The following SOCS4 variants were observed in gnomAD, a reference collection of about 807,000 sequenced individuals.
SOCS4 encodes SH2 domain containing SOCS box protein.
Under a neutral mutation model 34.1 loss-of-function variants are expected in SOCS4, and 20 were observed. The observed-to-expected ratio is 0.59, with a 90% CI of 0.41 to 0.85. The LOEUF is 0.85. SOCS4 is among the 40% of genes least tolerant of loss of function. The pLI, the probability that SOCS4 is intolerant of heterozygous loss-of-function variation, is 0.00. For synonymous variants in SOCS4, 180 were observed against 186.4 expected (o/e 0.97, Z 0.28); for missense variants, 479 against 532.4 (o/e 0.90, Z 0.99).
chr14:55,034,988 G>A (rs1471716960), intron 2 of SOCS4, among the ~76,000 whole-genome samples: 1 of 151,708 alleles, frequency 6.6e-6, no homozygotes, highest in Admixed American at 6.6e-5. Context: ...AGCCTCCCAA[G>A]TAGCTGGGAC....
At chr14:55,037,331 GAC>G (rs1358177259) in intron 2 of SOCS4, among the ~76,000 whole-genome samples, 3 of 151,846 alleles carry the variant, frequency 2.0e-5, no homozygotes, top group African/African-American at 7.2e-5. Flanking sequence ...TTTTAGTAGA[GAC>G]AGGGTTTCAC....
rs2042668508 is a variant in SOCS4 at position 55,045,612 on chromosome 14, A to G, written c.*1248A>G. On this transcript the variant is annotated 3_prime_UTR_variant, in exon 3 of 3. Coordinates refer to ENST00000555846, the MANE Select transcript of SOCS4 (RefSeq NM_199421.2). The stretch of plus-strand genomic sequence containing the variant: ...ATTTTAAATTTACTATCCCAGAAAC[A>G]GGGCAACGTTTTTAGAAACATCTTT... 6.0e-6 allele frequency: 1 copy of G among 166,810 alleles called. No individual in the cohort carries two copies. The highest frequency in any genetic ancestry group is 1.5e-5 in the Non-Finnish European group (1 of 67,970). The allele number at this position is 166,810 out of a possible 1,614,324, so 10.3% of individuals were successfully genotyped here.
In SOCS4 at chr14:55,043,642, G is replaced by A. The variant is rs149353762; in HGVS notation, c.601G>A (p.Asp201Asn). The A allele has an allele frequency of 1.2e-4, 188 of 1,614,090 alleles. No homozygotes were observed. Among genetic ancestry groups the A allele is most frequent in the East Asian group, 1.1e-3 (50 of 44,882 alleles). ...TNVQPCVITTDNALCREGPMT... is the reference protein window; with the variant it reads ...TNVQPCVITTNNALCREGPMT... ...TGTTCAGCCCTGTGTCATAACCACC[G>A]ACAATGCTTTGTGTAGAGAAGGTCC... Residue 201 changes from aspartate to asparagine, a missense_variant, in exon 3 of 3, where the codon GAC becomes AAC. By Grantham distance (23) the Asp-to-Asn change is conservative. Transcript: ENST00000555846.
chr14:55,036,917 C>T, intron 2 of SOCS4, among the ~76,000 whole-genome samples: 1 of 151,782 alleles, frequency 6.6e-6, no homozygotes, highest in East Asian at 2.0e-4. Flanking sequence ...GAGTTCAAGA[C>T]CAGCCTAGAT....
At chr14:55,041,783 CTTTT>C (rs35998700) in intron 2 of SOCS4, among the ~76,000 whole-genome samples, 108 of 40,066 alleles carry the variant, frequency 2.7e-3, no homozygotes, top group Non-Finnish European at 3.9e-3. Context: ...AACCCTTAAT[CTTTT>C]TTTTTTTTTT....
intron 1 of SOCS4, among the ~76,000 whole-genome samples, chr14:55,031,381 A>G (rs2042527638): frequency 6.6e-6 from 1 of 152,194 alleles, no homozygotes; most frequent in South Asian, 2.1e-4. Flanking sequence ...CCACAAAAGG[A>G]TTTATGGCAA....
Position 55,043,600 on chromosome 14 carries a change from T to G in SOCS4, c.559T>G (p.Cys187Gly), listed in dbSNP as rs749669156. The G allele has an allele frequency of 6.2e-7, 1 of 1,614,180 alleles. No homozygotes were observed. Residue 187 changes from cysteine (C) to glycine (G), a missense_variant, in exon 3 of 3, where the codon TGT becomes GGT. Coordinates refer to ENST00000555846, the MANE Select transcript of SOCS4 (RefSeq NM_199421.2). ...KRRNMEENIN[C>G]FSHTNVQPCV... is the part of the protein sequence containing the mutation. ...AAGAAATATGGAAGAAAATATAAAC[T>G]GTTTCTCACATACCAATGTTCAGCC... is the stretch of plus-strand genomic sequence containing the variant.
intron 2 of SOCS4, among the ~76,000 whole-genome samples, chr14:55,032,813 C>T (rs1156299032): frequency 1.3e-5 from 2 of 151,398 alleles, no homozygotes; most frequent in South Asian, 2.1e-4. Context: ...TCTTTTGAGA[C>T]GGAGTCTCAC....
chr14:55,032,765 A>ATTG (rs1367129873), intron 2 of SOCS4, among the ~76,000 whole-genome samples: 7 of 109,536 alleles, frequency 6.4e-5, no homozygotes, highest in African/African-American at 3.5e-4. Context: ...AAGCCACCTT[A>ATTG]TTATTATTCT....
chr14:55,044,469 A>G lies in SOCS4; in HGVS notation c.*105A>G, dbSNP rs2042656016. 7.0e-6 allele frequency: 6 copies of G among 851,340 alleles called. No individual in the cohort carries two copies. The East Asian group carries it at 2.1e-4, about 29-fold the overall frequency. 52.7% of individuals were successfully genotyped at this position (851,340 alleles called of 1,614,324 possible). A position where few individuals can be genotyped will look rare whatever the true frequency, so the allele number is the denominator to read the frequency against. On this transcript the variant is annotated 3_prime_UTR_variant, in exon 3 of 3. Transcript: ENST00000555846. ...TTTTCTACAAAGGCAGTGGTGTCCA[A>G]AATAAAATCTCTGCCCTAAATTTTA...
In SOCS4 at chr14:55,043,127, G is replaced by T. The variant is rs1399362053; in HGVS notation, c.86G>T (p.Gly29Val). ...AGCAGAAGTGCCGACAGAAAAGACG[G>T]TTATGTGTGGAGTGGAAAGAAGTTA... The part of the protein sequence containing the change: ...SRSRSADRKD[G>V]YVWSGKKLSW... The change falls in exon 3 of 3, where the codon GGT becomes GTT. Residue 29 changes from glycine to valine, a missense_variant. Gly to Val is a moderately radical substitution (Grantham distance 109). Transcript: ENST00000555846. 1 of 1,614,218 alleles carries T rather than the reference G, an allele frequency of 6.2e-7. No homozygotes were observed. The highest frequency in any genetic ancestry group is 8.5e-7 in the Non-Finnish European group (1 of 1,180,042).
chr14:55,045,633 T>A lies in SOCS4; in HGVS notation c.*1269T>A, dbSNP rs2042668702. Reference sequence around the variant, plus strand: ...AAACAGGGCAACGTTTTTAGAAACATCTTTAGCCCAAAGTAACTAGTAAAA... The same window carrying A: ...AAACAGGGCAACGTTTTTAGAAACAACTTTAGCCCAAAGTAACTAGTAAAA... On this transcript the variant is annotated 3_prime_UTR_variant, in exon 3 of 3. Transcript: ENST00000555846. 1 of 166,884 alleles carries A rather than the reference T, an allele frequency of 6.0e-6. No individual in the cohort carries two copies. Among genetic ancestry groups the A allele is most frequent in the Non-Finnish European group, 1.5e-5 (1 of 68,034 alleles). The allele number at this position is 166,884 out of a possible 1,614,324, so 10.3% of individuals were successfully genotyped here. A position where few individuals can be genotyped will look rare whatever the true frequency, so the allele number is the denominator to read the frequency against.
chr14:55,042,408 G>A (rs1251903476), intron 2 of SOCS4, among the ~76,000 whole-genome samples: 1 of 152,168 alleles, frequency 6.6e-6, no homozygotes, highest in South Asian at 2.1e-4. Context: ...CATTTTTGCT[G>A]TTCAATGGTG....
At chr14:55,029,872 A>G (rs2042513167) in intron 1 of SOCS4, among the ~76,000 whole-genome samples, 1 of 152,206 alleles carries the variant, frequency 6.6e-6, no homozygotes, top group Non-Finnish European at 1.5e-5. Context: ...AAGGCAATAC[A>G]GTAAAAGTCG....
chr14:55,038,613 C>T (rs563909989), intron 2 of SOCS4, among the ~76,000 whole-genome samples: 3 of 152,294 alleles, frequency 2.0e-5, no homozygotes, highest in African/African-American at 4.8e-5. Flanking sequence ...TTTTTAGGCC[C>T]AGTCTTCCCC....
At chr14:55,028,153 A>T (rs758194323) in intron 1 of SOCS4, among the ~76,000 whole-genome samples, 1 of 151,840 alleles carries the variant, frequency 6.6e-6, no homozygotes, top group Non-Finnish European at 1.5e-5. Flanking sequence ...AGGTTTCCCT[A>T]TTGTTTTTTT....
chr14:55,042,256 T>G (rs968886492), intron 2 of SOCS4, among the ~76,000 whole-genome samples: 1 of 152,202 alleles, frequency 6.6e-6, no homozygotes, highest in African/African-American at 2.4e-5. Flanking sequence ...TGTTTTCAAA[T>G]GATCAAGAAT....
intron 2 of SOCS4, among the ~76,000 whole-genome samples, chr14:55,035,886 C>T (rs2042568122): frequency 6.6e-6 from 1 of 150,376 alleles, no homozygotes; most frequent in South Asian, 2.1e-4. Context: ...TTGGCCATTT[C>T]CAAGAAACAC....
chr14:55,034,618 G>A (rs141691006), intron 2 of SOCS4, among the ~76,000 whole-genome samples: 190 of 152,108 alleles, frequency 1.2e-3, no homozygotes, highest in African/African-American at 4.5e-3. Context: ...TGGATCACGA[G>A]GTCAGGAGTT....
Sources: gnomAD v4.1 joint callset for allele counts (sites outside exome capture counted in the v4.1 genomes callset) on GRCh38, gnomAD v4.1.1 for gene constraint, MANE v1.5 for transcripts, NCBI Gene and HGNC (gene_info 2026-07-23, HGNC 2026-07-21) for gene names.